Variants in CRACD observed in about 807,000 individuals in gnomAD.
CRACD encodes capping protein-inhibiting regulator of actin dynamics.
In CRACD, 56 loss-of-function variants were observed where a neutral mutation model predicts 106.8. That is an observed-to-expected ratio of 0.52 (90% CI 0.42 to 0.66). The LOEUF (loss-of-function observed/expected upper bound fraction) is 0.66. CRACD is among the 30% of genes least tolerant of loss of function. The pLI is 0.00. For synonymous variants in CRACD, 754 were observed against 670.8 expected (o/e 1.12, Z -1.92); for missense variants, 1,730 against 1,623.2 (o/e 1.07, Z -1.13).
chr4:56,102,650 T>C (rs1733817841), intron 1 of CRACD, among the ~76,000 whole-genome samples: 1 of 152,210 alleles, frequency 6.6e-6, no homozygotes, highest in South Asian at 2.1e-4. Context: ...ATCTGAACTT[T>C]CTGAAAACCC....
At position 56,117,632 on chromosome 4, in the gene CRACD, G is replaced by A. The variant is rs573852577; in HGVS notation, c.-335-61652G>A. Among the ~76,000 whole-genome samples the A allele has an allele frequency of 1.5e-4, 23 of 152,242 alleles. No homozygotes were observed. The South Asian group carries it at 3.5e-3, about 23-fold the overall frequency. On this transcript the variant is annotated intron_variant, in intron 1 of 10. Transcript: ENST00000682029. ...GTGATGGTCACACAGCATCATGGAC[G>A]TGTTTAATACCACTGAACTGTACCC... is the stretch of plus-strand genomic sequence containing the variant.
chr4:56,122,525 C>G (rs1734525320), intron 1 of CRACD, among the ~76,000 whole-genome samples: 1 of 152,146 alleles, frequency 6.6e-6, no homozygotes, highest in African/African-American at 2.4e-5. Context: ...ATTTCTGCTT[C>G]ATGGTTTCAT....
At chr4:56,244,345 G>A (rs1218513787) in intron 2 of CRACD, among the ~76,000 whole-genome samples, 1 of 152,158 alleles carries the variant, frequency 6.6e-6, no homozygotes, top group Non-Finnish European at 1.5e-5. Context: ...GAATTTTGGT[G>A]TGAGCACCTG....
chr4:56,260,923 G>GTCCA (rs1420180971), intron 2 of CRACD, among the ~76,000 whole-genome samples: 1 of 109,796 alleles, frequency 9.1e-6, no homozygotes, highest in African/African-American at 3.6e-5. Flanking sequence ...CCATCCATCC[G>GTCCA]TCCATCCATC....
intron 2 of CRACD, among the ~76,000 whole-genome samples, chr4:56,241,551 G>A (rs564745330): frequency 5.2e-4 from 79 of 152,252 alleles, no homozygotes; most frequent in African/African-American, 1.8e-3. Context: ...CATAACTAGA[G>A]ACTGCTATGT....
At chr4:56,187,083 C>A (rs973404054) in intron 2 of CRACD, among the ~76,000 whole-genome samples, 5 of 151,142 alleles carry the variant, frequency 3.3e-5, no homozygotes, top group South Asian at 2.1e-4. Flanking sequence ...AAAAAAAAAA[C>A]AACCAGAGGC....
chr4:56,155,867 C>T (rs994198458), intron 1 of CRACD, among the ~76,000 whole-genome samples: 4 of 152,194 alleles, frequency 2.6e-5, no homozygotes, highest in Non-Finnish European at 5.9e-5. Context: ...ATCCATTGAT[C>T]TCTAAGGACC....
intron 3 of CRACD, among the ~76,000 whole-genome samples, chr4:56,283,665 C>T (rs376961235): frequency 4.6e-5 from 7 of 152,194 alleles, no homozygotes; most frequent in Non-Finnish European, 7.3e-5. Flanking sequence ...GGCCTAATGG[C>T]GGCTGTGGCT....
chr4:56,217,960 C>T (rs1738798641), intron 2 of CRACD, among the ~76,000 whole-genome samples: 1 of 152,130 alleles, frequency 6.6e-6, no homozygotes, highest in Non-Finnish European at 1.5e-5. Context: ...GGAGAATCTT[C>T]TTCTTGCCTC....
At chr4:56,159,999 T>C (rs951960451) in intron 1 of CRACD, among the ~76,000 whole-genome samples, 1 of 151,914 alleles carries the variant, frequency 6.6e-6, no homozygotes. Context: ...CAGGCTGGTC[T>C]TGAACTCCCA....
intron 2 of CRACD, among the ~76,000 whole-genome samples, chr4:56,184,337 C>T (rs1387001839): frequency 1.3e-5 from 2 of 152,214 alleles, no homozygotes; most frequent in African/African-American, 4.8e-5. Context: ...TCCCAAAGTG[C>T]TGGGTTTATA....
chr4:56,230,431 G>A (rs1191510654), intron 2 of CRACD, among the ~76,000 whole-genome samples: 2 of 152,114 alleles, frequency 1.3e-5, no homozygotes, highest in African/African-American at 2.4e-5. Flanking sequence ...TGTCTGTGGT[G>A]GCCCCGGTGG....
chr4:56,291,448 C>T (rs1743698991), intron 3 of CRACD, among the ~76,000 whole-genome samples: 1 of 151,822 alleles, frequency 6.6e-6, no homozygotes, highest in Admixed American at 6.6e-5. Context: ...TGGTTTCAAG[C>T]TGAGATCTCC....
At chr4:56,125,764 CT>C (rs11289899) in intron 1 of CRACD, among the ~76,000 whole-genome samples, 11,820 of 73,820 alleles carry the variant, frequency 0.16, 231 homozygotes, top group Middle Eastern at 0.23. Context: ...CATTCTTCTT[CT>C]TTTTTTTTTT....
chr4:56,081,368 G>A (rs143894907), intron 1 of CRACD, among the ~76,000 whole-genome samples: 126 of 152,206 alleles, frequency 8.3e-4, no homozygotes, highest in African/African-American at 2.8e-3. Flanking sequence ...TCTGATAAAA[G>A]CATTTTTGTG....
chr4:56,070,291 G>A (rs1022588009), intron 1 of CRACD, among the ~76,000 whole-genome samples: 1 of 145,590 alleles, frequency 6.9e-6, no homozygotes, highest in Non-Finnish European at 1.5e-5. Context: ...CCCTATCTGA[G>A]TCCTTGCCCA....
intron 2 of CRACD, among the ~76,000 whole-genome samples, chr4:56,209,683 A>G (rs984954155): frequency 1.3e-5 from 2 of 152,212 alleles, no homozygotes; most frequent in Non-Finnish European, 2.9e-5. Flanking sequence ...GCCAAACTAT[A>G]TAAACTTAAA....
chr4:56,073,457 T>C (rs1377150540), intron 1 of CRACD, among the ~76,000 whole-genome samples: 1 of 152,258 alleles, frequency 6.6e-6, no homozygotes, highest in African/African-American at 2.4e-5. Context: ...TAATTATTAT[T>C]GGTTAATAGC....
intron 4 of CRACD, among the ~76,000 whole-genome samples, chr4:56,303,082 T>A (rs2109734862): frequency 6.6e-6 from 1 of 152,256 alleles, no homozygotes; most frequent in Non-Finnish European, 1.5e-5. Context: ...TGGTGGCTCA[T>A]GCCTATAATT....
Sources: gnomAD v4.1 joint callset for allele counts (sites outside exome capture counted in the v4.1 genomes callset) on GRCh38, gnomAD v4.1.1 for gene constraint, MANE v1.5 for transcripts, NCBI Gene and HGNC (gene_info 2026-07-23, HGNC 2026-07-21) for gene names.